SLC29A3: variants seen among roughly 807,000 people sequenced by gnomAD.
SLC29A3 encodes solute carrier family 29 member 3.
A neutral mutation model predicts 25.4 loss-of-function variants in SLC29A3; 18 were observed. The ratio of observed to expected loss-of-function variants is 0.71; its 90% CI spans 0.49 to 1.05. The LOEUF is 1.05. Among genes scored for constraint, SLC29A3 ranks in the 50% least tolerant of loss-of-function variants. The probability of loss-of-function intolerance (pLI) is 0.00; values close to 1 mark genes in which losing one functional copy is unlikely to be tolerated. For synonymous variants in SLC29A3, 258 were observed against 267.1 expected (o/e 0.97, Z 0.33); for missense variants, 586 against 609.0 (o/e 0.96, Z 0.40).
Position 71,362,039 on chromosome 10 carries a change from G to T in SLC29A3, c.859G>T (p.Ala287Ser), listed in dbSNP as rs1847069311. The stretch of plus-strand genomic sequence containing the variant: ...GGACTCCCTCAGTGCCCCTTCGGTG[G>T]CCTCCAGATTCATTGATTCCCACAC... ...PQDSLSAPSV[A>S]SRFIDSHTPP... The change falls in exon 6 of 6, where the codon GCC becomes TCC. Residue 287 changes from alanine to serine, a missense_variant. Physicochemically the swap from Ala to Ser is moderately conservative, Grantham distance 99. Coordinates refer to ENST00000373189, the MANE Select transcript of SLC29A3 (RefSeq NM_018344.6). 6.2e-7 allele frequency: 1 copy of T among 1,614,010 alleles called. No individual in the cohort carries two copies. The highest frequency in any genetic ancestry group is 1.1e-5 in the South Asian group (1 of 91,082).
At chr10:71,351,316 C>G (rs759364408) in intron 3 of SLC29A3, among the ~76,000 whole-genome samples, 1 of 152,256 alleles carries the variant, frequency 6.6e-6, no homozygotes, top group Non-Finnish European at 1.5e-5. Context: ...CCTCACCCCC[C>G]TGTGAGTTGA....
At chr10:71,354,342 G>C (rs1254226874) in intron 4 of SLC29A3, among the ~76,000 whole-genome samples, 1 of 152,184 alleles carries the variant, frequency 6.6e-6, no homozygotes, top group Non-Finnish European at 1.5e-5. Flanking sequence ...AGTAGAGCCA[G>C]GTTTGGACTC....
chr10:71,336,752 G>A (rs1407687098), intron 2 of SLC29A3, among the ~76,000 whole-genome samples: 3 of 151,976 alleles, frequency 2.0e-5, no homozygotes, highest in African/African-American at 4.8e-5. Context: ...GAAAGGAGGT[G>A]TGCTCCAGAA....
intron 3 of SLC29A3, among the ~76,000 whole-genome samples, chr10:71,368,786 T>C (rs1363177284): frequency 2.6e-5 from 4 of 152,198 alleles, no homozygotes; most frequent in Non-Finnish European, 5.9e-5. Flanking sequence ...TTTGAGTCCT[T>C]ACTACTTCCT....
intron 3 of SLC29A3, 129 bp from the exon 4 acceptor site, chr10:71,351,433 G>T: frequency 4.1e-6 from 3 of 731,688 alleles, no homozygotes; most frequent in South Asian, 1.7e-5. Flanking sequence ...TCGAGTGCAG[G>T]CCTCTTGACT....
At chr10:71,356,449 GAAT>G (rs1050051722) in intron 5 of SLC29A3, among the ~76,000 whole-genome samples, 4 of 152,228 alleles carry the variant, frequency 2.6e-5, no homozygotes, top group African/African-American at 7.2e-5. Context: ...TAATCATGGT[GAAT>G]AATAGTTCAC....
intron 4 of SLC29A3, among the ~76,000 whole-genome samples, chr10:71,353,552 G>A (rs902149649): frequency 1.3e-5 from 2 of 152,180 alleles, no homozygotes; most frequent in African/African-American, 4.8e-5. Context: ...TTTTCAGAAA[G>A]TCCGTTCAGA....
At chr10:71,359,097 CAG>C (rs760495452) in intron 5 of SLC29A3, among the ~76,000 whole-genome samples, 41 of 152,082 alleles carry the variant, frequency 2.7e-4, no homozygotes, top group Non-Finnish European at 3.8e-4. Context: ...TTTGTAGAGA[CAG>C]AGTTTCACCG....
At chr10:71,325,007 C>T (rs1380972311) in intron 2 of SLC29A3, among the ~76,000 whole-genome samples, 1 of 152,116 alleles carries the variant, frequency 6.6e-6, no homozygotes, top group Admixed American at 6.5e-5. Context: ...CACTTGAGAG[C>T]ACGGGGAGGC....
chr10:71,321,297 T>A (rs1845841226), intron 1 of SLC29A3, among the ~76,000 whole-genome samples: 1 of 152,182 alleles, frequency 6.6e-6, no homozygotes, highest in Non-Finnish European at 1.5e-5. Flanking sequence ...TCTGCACCCA[T>A]GTGAGGAGGT....
chr10:71,355,971 C>T (rs1159851115), intron 4 of SLC29A3, 110 bp from the exon 5 acceptor site: 28 of 1,285,394 alleles, frequency 2.2e-5, no homozygotes, highest in Non-Finnish European at 2.8e-5. Context: ...TGGCATTTTT[C>T]GCACGGAGGA....
intron 2 of SLC29A3, among the ~76,000 whole-genome samples, chr10:71,327,385 A>C (rs1204239683): frequency 6.6e-6 from 1 of 152,132 alleles, no homozygotes; most frequent in East Asian, 1.9e-4. Flanking sequence ...GGCAAAACAA[A>C]ATTTAGAGCA....
intron 2 of SLC29A3, among the ~76,000 whole-genome samples, chr10:71,325,127 C>T (rs1241304252): frequency 1.3e-5 from 2 of 152,150 alleles, no homozygotes; most frequent in Non-Finnish European, 2.9e-5. Flanking sequence ...GCACCCCAGC[C>T]GCACCTTCCA....
intron 5 of SLC29A3, 81 bp downstream of exon 5, chr10:71,356,324 G>A: frequency 6.4e-7 from 1 of 1,553,146 alleles, no homozygotes; most frequent in Non-Finnish European, 8.8e-7. Context: ...CAGCTTCTAT[G>A]CTGGCTTCTT....
At chr10:71,354,948 G>C (rs1370394667) in intron 4 of SLC29A3, among the ~76,000 whole-genome samples, 1 of 152,204 alleles carries the variant, frequency 6.6e-6, no homozygotes, top group African/African-American at 2.4e-5. Flanking sequence ...CCCAAGCAAT[G>C]CTGCACACAG....
exon 5 of SLC29A3, chr10:71,381,010 A>C (rs767966212): frequency 1.3e-5 from 2 of 152,226 alleles, no homozygotes; most frequent in Non-Finnish European, 2.9e-5. Flanking sequence ...ATCTTGTTTT[A>C]TCTCTACCCC....
At chr10:71,330,635 A>G (rs1219790198) in intron 2 of SLC29A3, among the ~76,000 whole-genome samples, 2 of 152,222 alleles carry the variant, frequency 1.3e-5, no homozygotes, top group Non-Finnish European at 2.9e-5. Context: ...CAGCATTTAC[A>G]TAACGCTGCA....
chr10:71,366,375 A>G (rs939292873), downstream of SLC29A3: 1 of 152,184 alleles, frequency 6.6e-6, no homozygotes, highest in Admixed American at 6.5e-5. Context: ...GAGAGAAATG[A>G]CTTAAATATG....
At chr10:71,364,102 C>G (rs1393111931), downstream of SLC29A3, 6 of 152,212 alleles carry the variant, frequency 3.9e-5, no homozygotes. Flanking sequence ...CATTCATCCT[C>G]TGATTTCCAT....
Sources: gnomAD v4.1 joint callset for allele counts (sites outside exome capture counted in the v4.1 genomes callset) on GRCh38, gnomAD v4.1.1 for gene constraint, MANE v1.5 for transcripts, NCBI Gene and HGNC (gene_info 2026-07-23, HGNC 2026-07-21) for gene names.